Variants in ZGRF1 observed in about 807,000 individuals in gnomAD.
The protein encoded by ZGRF1 is 5'-3' DNA helicase ZGRF1.
Under a neutral mutation model 203.5 loss-of-function variants are expected in ZGRF1, and 196 were observed. The ratio of observed to expected loss-of-function variants is 0.96; its 90% CI spans 0.86 to 1.08. The LOEUF (loss-of-function observed/expected upper bound fraction) is 1.08. Among genes scored for constraint, ZGRF1 ranks in the 50% least tolerant of loss-of-function variants. ZGRF1 has a pLI of 0.00. For synonymous variants in ZGRF1, 809 were observed against 841.3 expected (o/e 0.96, Z 0.66); for missense variants, 2,326 against 2,416.3 (o/e 0.96, Z 0.78).
intron 22 of ZGRF1, among the ~76,000 whole-genome samples, chr4:112,552,650 T>C (rs992451879): frequency 6.6e-6 from 1 of 152,222 alleles, no homozygotes; most frequent in East Asian, 1.9e-4. Context: ...AAAGTTAGTC[T>C]GAAGTTTTCT....
intron 25 of ZGRF1, 32 bp from the exon 26 acceptor site, chr4:112,540,987 T>C (rs1298363118): frequency 6.4e-7 from 1 of 1,555,048 alleles, no homozygotes; most frequent in Admixed American, 1.9e-5. Context: ...AAATTATATT[T>C]CCCAGAAAGG....
intron 16 of ZGRF1, among the ~76,000 whole-genome samples, chr4:112,566,426 C>T (rs1477155858): frequency 1.8e-3 from 253 of 139,372 alleles, no homozygotes; most frequent in South Asian, 1.8e-3. Context: ...ACCAGCATGG[C>T]ACATGTATAC....
intron 4 of ZGRF1, among the ~76,000 whole-genome samples, chr4:112,622,942 T>A (rs1323809075): frequency 6.6e-6 from 1 of 152,188 alleles, no homozygotes; most frequent in Non-Finnish European, 1.5e-5. Context: ...CTAGTACCCA[T>A]TATTTTTCCT....
intron 12 of ZGRF1, 32 bp downstream of exon 12, chr4:112,587,248 A>G (rs1432491307): frequency 6.5e-7 from 1 of 1,545,268 alleles, no homozygotes. Context: ...ACTATTGGAA[A>G]AATGCACCAC....
rs552685381 is a variant in ZGRF1, at chr4:112,564,003, T to C, written c.4439-729A>G. ...ACACTGGCAATCAAATTTCAAAGTA[T>C]GTATTTGGCAGTGGGAACGGACGGC... On this transcript the variant is annotated intron_variant, in intron 16 of 27. Coordinates refer to ENST00000505019, the MANE Select transcript of ZGRF1 (RefSeq NM_018392.5). 3.9e-5 allele frequency among the ~76,000 whole-genome samples: 6 copies of C among 152,256 alleles called. No individual in the cohort carries two copies. In the East Asian group the frequency reaches 5.8e-4, roughly 15 times the overall value.
intron 20 of ZGRF1, among the ~76,000 whole-genome samples, chr4:112,556,429 C>G (rs1740957608): frequency 6.6e-6 from 1 of 152,092 alleles, no homozygotes. Context: ...CTCACTTTGT[C>G]ACCCAGGCTA....
intron 16 of ZGRF1, among the ~76,000 whole-genome samples, chr4:112,577,262 A>G (rs1745419506): frequency 8.1e-6 from 1 of 122,922 alleles, no homozygotes; most frequent in African/African-American, 2.8e-5. Flanking sequence ...CTGCCCTAAA[A>G]GAGCTCCTGA....
At position 112,577,512 on chromosome 4, in the gene ZGRF1, G is replaced by C. The variant is rs1337544937; in HGVS notation, c.4438+4151C>G. ...TTGGATAAAGACTCAAGATCCATCA[G>C]TGTGCTGTATTCAGGAAACCCATCT... is the stretch of plus-strand genomic sequence containing the variant. On this transcript the variant is annotated intron_variant, in intron 16 of 27. Transcript: ENST00000505019. 7.3e-5 allele frequency among the ~76,000 whole-genome samples: 9 copies of C among 122,660 alleles called. 3 individuals are homozygous for C. The highest frequency in any genetic ancestry group is 2.6e-4 in the African/African-American group (9 of 35,250). 80.5% of individuals were successfully genotyped at this position (122,660 alleles called of 152,430 possible).
intron 16 of ZGRF1, among the ~76,000 whole-genome samples, chr4:112,579,202 C>T (rs1235678281): frequency 1.6e-5 from 2 of 122,846 alleles, no homozygotes; most frequent in Admixed American, 9.3e-5. Flanking sequence ...GCAGAAAAGG[C>T]CTTTGACAAA....
intron 24 of ZGRF1, among the ~76,000 whole-genome samples, chr4:112,543,271 G>A (rs774291780): frequency 3.3e-5 from 5 of 151,946 alleles, no homozygotes; most frequent in Non-Finnish European, 7.4e-5. Flanking sequence ...CCCCAGTCCT[G>A]ATTTTGTTTT....
At chr4:112,590,444 C>T (rs2149038928) in intron 10 of ZGRF1, among the ~76,000 whole-genome samples, 1 of 152,146 alleles carries the variant, frequency 6.6e-6, no homozygotes, top group South Asian at 2.1e-4. Context: ...CAAATATATA[C>T]ACAATATATA....
chr4:112,557,580 T>A (rs767367781), intron 20 of ZGRF1, among the ~76,000 whole-genome samples: 3 of 152,190 alleles, frequency 2.0e-5, no homozygotes, highest in African/African-American at 4.8e-5. Context: ...CATATCTGCA[T>A]TGGTTTCCCT....
In ZGRF1 at chr4:112,541,198, A is replaced by G; in HGVS notation, c.5669T>C (p.Leu1890Pro). The G allele has an allele frequency of 1.9e-6, 3 of 1,612,640 alleles. No individual in the cohort carries two copies. Among genetic ancestry groups the G allele is most frequent in the Non-Finnish European group, 2.5e-6 (3 of 1,179,034 alleles). The change falls in exon 25 of 28, where the codon CTG (leucine) becomes CCG (proline). Residue 1890 changes from leucine (L) to proline (P), a missense_variant. Physicochemically the swap from Leu to Pro is moderately conservative, Grantham distance 98. Transcript: ENST00000505019. ...HPAISAIAND[L>P]FYKGALMNGV... Reference sequence around the variant, plus strand: ...ATTCATGAGGGCTCCTTTGTAAAACAGATCATTAGCAATAGCACTGATTGC... The same window carrying G: ...ATTCATGAGGGCTCCTTTGTAAAACGGATCATTAGCAATAGCACTGATTGC...
intron 23 of ZGRF1, among the ~76,000 whole-genome samples, chr4:112,547,685 G>A (rs563577800): frequency 3.3e-5 from 5 of 152,208 alleles, no homozygotes; most frequent in East Asian, 3.9e-4. Flanking sequence ...AGCATATTTG[G>A]GAAATGCTGG....
In ZGRF1 at chr4:112,589,751, C is replaced by T; in HGVS notation, c.3100G>A (p.Asp1034Asn). The T allele has an allele frequency of 6.2e-7, 1 of 1,613,892 alleles. No individual in the cohort carries two copies. Among genetic ancestry groups the T allele is most frequent in the Non-Finnish European group, 8.5e-7 (1 of 1,179,850 alleles). ...ETSLKARTLPDDLHFLNLEGM... is the reference protein window; with the variant it reads ...ETSLKARTLPNDLHFLNLEGM... Reference sequence around the variant, plus strand: ...TCCAAGTTGAGAAAATGAAGATCATCAGGTAAAGTTCTTGCTTTCAGGGAC... The same window carrying T: ...TCCAAGTTGAGAAAATGAAGATCATTAGGTAAAGTTCTTGCTTTCAGGGAC... The change falls in exon 11 of 28, where the codon GAT (aspartate) becomes AAT (asparagine). Residue 1034 changes from aspartate (D) to asparagine (N), a missense_variant. Asp to Asn is a conservative substitution (Grantham distance 23). Coordinates refer to ENST00000505019, the MANE Select transcript of ZGRF1 (RefSeq NM_018392.5).
At chr4:112,557,106 T>C (rs1471790770) in intron 20 of ZGRF1, among the ~76,000 whole-genome samples, 1 of 152,102 alleles carries the variant, frequency 6.6e-6, no homozygotes, top group African/African-American at 2.4e-5. Context: ...TGTATTCATA[T>C]AGGCAGATGA....
chr4:112,623,814 T>A lies in ZGRF1; in HGVS notation c.162+3A>T. On this transcript the variant is annotated splice_donor_region_variant and intron_variant, in intron 4 of 27. Transcript: ENST00000505019. ...TAAAAATAAGATAAACACACTAAAATACCTCAAGGCATTTAAGAAACAGAC... is the reference window on the plus strand; with the variant it reads ...TAAAAATAAGATAAACACACTAAAAAACCTCAAGGCATTTAAGAAACAGAC... 1 of 1,516,696 alleles carries A rather than the reference T, an allele frequency of 6.6e-7. No homozygotes were observed. Among genetic ancestry groups the A allele is most frequent in the Non-Finnish European group, 9.1e-7 (1 of 1,101,668 alleles). The allele number at this position is 1,516,696 out of a possible 1,614,324, so 94.0% of individuals were successfully genotyped here. A position where few individuals can be genotyped will look rare whatever the true frequency, so the allele number is the denominator to read the frequency against.
chr4:112,620,262 G>A, intron 4 of ZGRF1, 72 bp from the exon 5 acceptor site: 1 of 1,169,612 alleles, frequency 8.5e-7, no homozygotes, highest in South Asian at 1.6e-5. Flanking sequence ...ATGCTCACTA[G>A]CACTAAGACA....
At chr4:112,629,125 T>C (rs1184273933) in intron 3 of ZGRF1, among the ~76,000 whole-genome samples, 1 of 152,176 alleles carries the variant, frequency 6.6e-6, no homozygotes, top group African/African-American at 2.4e-5. Context: ...GTTATCCTGA[T>C]TATCTATAGC....
Sources: allele counts gnomAD v4.1 joint callset (sites outside exome capture counted in the v4.1 genomes callset), GRCh38; gene constraint gnomAD v4.1.1; transcripts MANE v1.5; gene names NCBI Gene and HGNC (gene_info 2026-07-23, HGNC 2026-07-21).